Variants in MYBL2 observed in about 807,000 individuals in gnomAD.
The protein encoded by MYBL2 is MYB proto-oncogene like 2.
In MYBL2, 28 loss-of-function variants were observed where a neutral mutation model predicts 79.9. The ratio of observed to expected loss-of-function variants is 0.35; its 90% CI spans 0.26 to 0.48. The LOEUF is 0.48. Ranked by LOEUF, MYBL2 falls within the 20% of genes least tolerant of loss-of-function variation. The probability of loss-of-function intolerance (pLI) is 0.99; values close to 1 mark genes in which losing one functional copy is unlikely to be tolerated. For synonymous variants in MYBL2, 378 were observed against 361.2 expected (o/e 1.05, Z -0.53); for missense variants, 735 against 893.9 (o/e 0.82, Z 2.27).
intron 1 of MYBL2, among the ~76,000 whole-genome samples, chr20:43,671,571 C>G (rs1986858183): frequency 6.8e-6 from 1 of 146,848 alleles, no homozygotes; most frequent in Non-Finnish European, 1.5e-5. Context: ...CTCCCAGGTT[C>G]AAGCGATTCT....
chr20:43,696,599 A>G (rs1987548130), intron 6 of MYBL2, among the ~76,000 whole-genome samples: 1 of 152,306 alleles, frequency 6.6e-6, no homozygotes, highest in Admixed American at 6.5e-5. Context: ...ATGTGTATTC[A>G]GATCTCCAAC....
chr20:43,698,664 T>A (rs954300460), intron 6 of MYBL2, among the ~76,000 whole-genome samples: 2 of 132,426 alleles, frequency 1.5e-5, no homozygotes, highest in African/African-American at 7.2e-5. Context: ...AGGCGTGATT[T>A]TTTTTTTTTT....
chr20:43,672,763 A>G (rs1417441202), intron 1 of MYBL2, among the ~76,000 whole-genome samples: 2 of 152,180 alleles, frequency 1.3e-5, no homozygotes, highest in African/African-American at 2.4e-5. Context: ...AAGAAAAACA[A>G]CAAATGGACA....
intron 2 of MYBL2, among the ~76,000 whole-genome samples, chr20:43,675,124 C>T (rs1284607935): frequency 1.3e-5 from 2 of 151,992 alleles, no homozygotes; most frequent in African/African-American, 2.4e-5. Context: ...GAACCACAGG[C>T]ATGCGCCACC....
chr20:43,678,293 G>T (rs1987060632), intron 2 of MYBL2, among the ~76,000 whole-genome samples: 1 of 139,310 alleles, frequency 7.2e-6, no homozygotes, highest in East Asian at 2.1e-4. Flanking sequence ...ACCCAAGAAT[G>T]ATCAATAAAA....
intron 5 of MYBL2, among the ~76,000 whole-genome samples, chr20:43,688,608 A>G (rs926540037): frequency 5.9e-5 from 9 of 151,878 alleles, no homozygotes; most frequent in Admixed American, 4.6e-4. Flanking sequence ...TCAGCCTTCC[A>G]AGGACCTGGG....
chr20:43,678,163 TGCGGAAG>T (rs1987057569), intron 2 of MYBL2, among the ~76,000 whole-genome samples: 1 of 152,154 alleles, frequency 6.6e-6, no homozygotes, highest in Non-Finnish European at 1.5e-5. Flanking sequence ...ACACAAACAC[TGCGGAAG>T]GCCGCAGGGT....
chr20:43,707,204 AAG>A (rs1250447942), intron 9 of MYBL2, among the ~76,000 whole-genome samples: 3 of 151,540 alleles, frequency 2.0e-5, no homozygotes, highest in Admixed American at 6.6e-5. Flanking sequence ...TTAAAAAAAA[AAG>A]AGAAAAAAGA....
intron 9 of MYBL2, among the ~76,000 whole-genome samples, chr20:43,706,284 T>C (rs906312793): frequency 6.6e-6 from 1 of 152,338 alleles, no homozygotes; most frequent in African/African-American, 2.4e-5. Context: ...GAGTGGAGAC[T>C]GCATTCCTGT....
intron 7 of MYBL2, among the ~76,000 whole-genome samples, chr20:43,701,889 G>A (rs1293456164): frequency 4.6e-5 from 7 of 152,082 alleles, no homozygotes; most frequent in Non-Finnish European, 1.0e-4. Context: ...GCTGAAGCCG[G>A]GTGCAGTGGC....
At chr20:43,667,601 C>T (rs1389074174) in intron 1 of MYBL2, among the ~76,000 whole-genome samples, 25 of 152,106 alleles carry the variant, frequency 1.6e-4, no homozygotes, top group Non-Finnish European at 3.7e-4. Context: ...TTGTCTCCCG[C>T]CTAATTGCGG....
intron 1 of MYBL2, among the ~76,000 whole-genome samples, chr20:43,668,894 C>T (rs1347706454): frequency 1.3e-5 from 2 of 151,544 alleles, no homozygotes; most frequent in Non-Finnish European, 2.9e-5. Flanking sequence ...GGAGACAGAG[C>T]CACTCTGTGT....
chr20:43,691,391 G>A (rs560405589), intron 5 of MYBL2, among the ~76,000 whole-genome samples: 18 of 151,826 alleles, frequency 1.2e-4, no homozygotes, highest in South Asian at 6.2e-4. Context: ...GCGCAATCTC[G>A]GCTCATCACA....
intron 1 of MYBL2, 70 bp downstream of exon 1, chr20:43,667,373 C>T: frequency 9.2e-7 from 1 of 1,087,164 alleles, no homozygotes; most frequent in Non-Finnish European, 1.2e-6. Context: ...CCCAGATACC[C>T]CCGACCCTCC....
chr20:43,672,624 TC>T (rs1986894099), intron 1 of MYBL2, among the ~76,000 whole-genome samples: 1 of 152,070 alleles, frequency 6.6e-6, no homozygotes, highest in Non-Finnish European at 1.5e-5. Flanking sequence ...TGCAAGTTGT[TC>T]CAGGTACTTG....
intron 5 of MYBL2, among the ~76,000 whole-genome samples, chr20:43,688,690 C>T (rs775818829): frequency 6.6e-6 from 1 of 152,002 alleles, no homozygotes; most frequent in African/African-American, 2.4e-5. Flanking sequence ...CCTATGTTGC[C>T]CAGGCTGGTC....
intron 6 of MYBL2, among the ~76,000 whole-genome samples, chr20:43,698,171 T>C (rs1392917808): frequency 1.3e-5 from 2 of 151,236 alleles, no homozygotes; most frequent in Non-Finnish European, 2.9e-5. Context: ...TTGGTAGCTT[T>C]TTTTCTTTAT....
chr20:43,716,261 C>A lies in MYBL2; in HGVS notation c.*174C>A. 1.0e-6 allele frequency: 1 copy of A among 986,556 alleles called. No individual in the cohort carries two copies. The highest frequency in any genetic ancestry group is 2.9e-5 in the East Asian group (1 of 34,472). 61.1% of individuals were successfully genotyped at this position (986,556 alleles called of 1,614,324 possible). A position where few individuals can be genotyped will look rare whatever the true frequency, so the allele number is the denominator to read the frequency against. Reference sequence around the variant, plus strand: ...GGCCATGTGCTGCCCTGTTGCCGAGCCCAGCTGTGGGCGGCTCCTGGTGCT... The same window carrying A: ...GGCCATGTGCTGCCCTGTTGCCGAGACCAGCTGTGGGCGGCTCCTGGTGCT... On this transcript the variant is annotated 3_prime_UTR_variant, in exon 14 of 14. Coordinates refer to ENST00000217026, the MANE Select transcript of MYBL2 (RefSeq NM_002466.4).
chr20:43,668,034 G>T (rs1176144729), intron 1 of MYBL2, among the ~76,000 whole-genome samples: 1 of 151,958 alleles, frequency 6.6e-6, no homozygotes, highest in Non-Finnish European at 1.5e-5. Context: ...AAGTGGCAGA[G>T]CTGAGCCCGG....
Sources: gnomAD v4.1 joint callset for allele counts (sites outside exome capture counted in the v4.1 genomes callset) on GRCh38, gnomAD v4.1.1 for gene constraint, MANE v1.5 for transcripts, NCBI Gene and HGNC (gene_info 2026-07-23, HGNC 2026-07-21) for gene names.